DPP10: variants seen among roughly 807,000 people sequenced by gnomAD.
DPP10 encodes the protein dipeptidyl peptidase like 10.
A neutral mutation model predicts 120.9 loss-of-function variants in DPP10; 33 were observed. The observed-to-expected ratio is 0.27, with a 90% CI of 0.21 to 0.37. The LOEUF (loss-of-function observed/expected upper bound fraction) is 0.37. Ranked by LOEUF, DPP10 falls within the 10% of genes least tolerant of loss-of-function variation. DPP10 has a pLI of 1.00. For missense variants in DPP10, 816 were observed against 942.8 expected, an observed-to-expected ratio of 0.87 and a Z score of 1.76; for synonymous variants, 337 against 326.1, an observed-to-expected ratio of 1.03 and a Z score of -0.36.
At chr2:115,471,116 T>C (rs554031821) in intron 3 of DPP10, among the ~76,000 whole-genome samples, 4 of 152,280 alleles carry the variant, frequency 2.6e-5, no homozygotes, top group African/African-American at 9.6e-5. Context: ...ATTTCTAAAA[T>C]CCATAATTTA....
chr2:115,459,264 C>T (rs559001942), intron 3 of DPP10, among the ~76,000 whole-genome samples: 4 of 151,820 alleles, frequency 2.6e-5, no homozygotes, highest in African/African-American at 4.8e-5. Context: ...TCAAGTGATT[C>T]GTCTGCCTCA....
chr2:114,849,342 T>TA (rs1426749085), intron 1 of DPP10, among the ~76,000 whole-genome samples: 4 of 150,520 alleles, frequency 2.7e-5, no homozygotes, highest in African/African-American at 1.0e-4. Flanking sequence ...TATATATATA[T>TA]TTTTTTAAAT....
intron 1 of DPP10, among the ~76,000 whole-genome samples, chr2:115,109,990 G>A (rs565288615): frequency 6.6e-6 from 1 of 152,310 alleles, no homozygotes; most frequent in South Asian, 2.1e-4. Context: ...AACTTAGCAA[G>A]TATGAGCCTC....
At chr2:114,581,453 G>GATT (rs1690520199) in intron 1 of DPP10, among the ~76,000 whole-genome samples, 1 of 152,052 alleles carries the variant, frequency 6.6e-6, no homozygotes, top group Non-Finnish European at 1.5e-5. Flanking sequence ...AAAGTGCTGA[G>GATT]ATTACAGGCA....
intron 19 of DPP10, among the ~76,000 whole-genome samples, chr2:115,808,828 A>G (rs1449206440): frequency 1.3e-5 from 2 of 152,224 alleles, no homozygotes; most frequent in Non-Finnish European, 2.9e-5. Flanking sequence ...TAATTTATGA[A>G]CAGAATTTTT....
chr2:115,076,047 G>C (rs568624044), intron 1 of DPP10, among the ~76,000 whole-genome samples: 42 of 152,076 alleles, frequency 2.8e-4, no homozygotes, highest in Non-Finnish European at 4.4e-4. Context: ...GCTGAGCTCT[G>C]TGGAAGCAGA....
rs1475797522 is a variant in DPP10 at position 115,629,277 on chromosome 2, C to T, written c.442-60410C>T. On this transcript the variant is annotated intron_variant, in intron 5 of 25. Transcript: ENST00000410059. ...TGCGAATAGTGCTGCAATAAACATACGTGTGCATGTGTCTTTATAGCAGCA... is the reference window on the plus strand; with the variant it reads ...TGCGAATAGTGCTGCAATAAACATATGTGTGCATGTGTCTTTATAGCAGCA... Among the ~76,000 whole-genome samples, 8 of 152,196 alleles carry T rather than the reference C, an allele frequency of 5.3e-5. No homozygotes were observed. The East Asian group carries it at 1.2e-3, about 22-fold the overall frequency.
At chr2:114,940,753 CGA>C (rs1696836831) in intron 1 of DPP10, among the ~76,000 whole-genome samples, 2 of 152,098 alleles carry the variant, frequency 1.3e-5, no homozygotes, top group Admixed American at 1.3e-4. Context: ...ACTGTACTGC[CGA>C]GAAAGCAAAG....
At chr2:114,578,954 G>C (rs576956398) in intron 1 of DPP10, among the ~76,000 whole-genome samples, 4 of 152,212 alleles carry the variant, frequency 2.6e-5, no homozygotes, top group South Asian at 4.1e-4. Context: ...ATCTAACATA[G>C]GCATCCAGCC....
At chr2:115,682,435 C>T (rs1188974782) in intron 5 of DPP10, among the ~76,000 whole-genome samples, 1 of 151,802 alleles carries the variant, frequency 6.6e-6, no homozygotes, top group East Asian at 1.9e-4. Flanking sequence ...AAAAATGGAA[C>T]ATCTTTGAAA....
chr2:115,405,369 C>T (rs771644346), intron 3 of DPP10, among the ~76,000 whole-genome samples: 122 of 152,176 alleles, frequency 8.0e-4, no homozygotes, highest in Non-Finnish European at 1.2e-3. Context: ...GGCTTCAAGA[C>T]CTCGGACAGG....
chr2:114,602,260 T>C (rs959588040), intron 1 of DPP10, among the ~76,000 whole-genome samples: 2 of 151,912 alleles, frequency 1.3e-5, no homozygotes, highest in African/African-American at 2.4e-5. Flanking sequence ...AAGGTTTTTC[T>C]AGGAAGTTAG....
chr2:115,783,734 A>G (rs1683029997), intron 17 of DPP10, among the ~76,000 whole-genome samples: 1 of 152,186 alleles, frequency 6.6e-6, no homozygotes, highest in Admixed American at 6.5e-5. Flanking sequence ...AATAATGACC[A>G]TAGACAGTAC....
chr2:114,512,309 C>A (rs1187848373), intron 1 of DPP10, among the ~76,000 whole-genome samples: 1 of 152,182 alleles, frequency 6.6e-6, no homozygotes, highest in Non-Finnish European at 1.5e-5. Context: ...TCACCTTTCA[C>A]ATGTGGACTT....
intron 5 of DPP10, among the ~76,000 whole-genome samples, chr2:115,599,301 C>T (rs1466007765): frequency 6.6e-6 from 1 of 152,016 alleles, no homozygotes; most frequent in Non-Finnish European, 1.5e-5. Flanking sequence ...GACTCAATTA[C>T]CTATATGTTA....
chr2:115,498,987 C>T (rs2148785527), intron 3 of DPP10, among the ~76,000 whole-genome samples: 1 of 152,040 alleles, frequency 6.6e-6, no homozygotes, highest in South Asian at 2.1e-4. Context: ...TAAAATACCA[C>T]AGAAAAAATT....
chr2:114,800,763 T>G (rs908755352), intron 1 of DPP10, among the ~76,000 whole-genome samples: 3 of 152,182 alleles, frequency 2.0e-5, no homozygotes, highest in African/African-American at 7.2e-5. Context: ...CAGGTAGTTA[T>G]AGAAACCATC....
intron 1 of DPP10, among the ~76,000 whole-genome samples, chr2:114,762,910 A>G (rs1183742767): frequency 6.6e-6 from 1 of 152,208 alleles, no homozygotes; most frequent in African/African-American, 2.4e-5. Context: ...AAATGTAGGG[A>G]AGGAAACAGA....
intron 1 of DPP10, among the ~76,000 whole-genome samples, chr2:115,073,061 G>A (rs527464305): frequency 6.6e-6 from 1 of 152,310 alleles, no homozygotes; most frequent in Non-Finnish European, 1.5e-5. Context: ...GGGATTACAG[G>A]CTTGAGCCAC....
Sources: gnomAD v4.1 joint callset for allele counts (sites outside exome capture counted in the v4.1 genomes callset) on GRCh38, gnomAD v4.1.1 for gene constraint, MANE v1.5 for transcripts, NCBI Gene and HGNC (gene_info 2026-07-23, HGNC 2026-07-21) for gene names.